The following JAK2 variants were observed in gnomAD, a reference collection of about 807,000 sequenced individuals.
The protein encoded by JAK2 is tyrosine-protein kinase JAK2.
JAK2 carries 86 observed loss-of-function variants against 139.3 expected under a neutral mutation model. That is an observed-to-expected ratio of 0.62 (90% CI 0.52 to 0.74). The LOEUF (loss-of-function observed/expected upper bound fraction) is 0.74, where lower values mean the gene tolerates loss of function less well. Ranked by LOEUF, JAK2 falls within the 30% of genes least tolerant of loss-of-function variation. JAK2 has a pLI of 0.00. For missense variants in JAK2, 1,421 were observed against 1,360.3 expected (o/e 1.04, Z -0.70); for synonymous variants, 490 against 437.7 (o/e 1.12, Z -1.49).
intron 2 of JAK2, among the ~76,000 whole-genome samples, chr9:5,006,822 C>T (rs1293729177): frequency 6.6e-6 from 1 of 152,110 alleles, no homozygotes; most frequent in Non-Finnish European, 1.5e-5. Flanking sequence ...AGAACCAAAC[C>T]ATATCAATTA....
intron 4 of JAK2, chr9:5,041,481 T>A: frequency 1.7e-6 from 1 of 597,588 alleles, no homozygotes; most frequent in African/African-American, 1.8e-5. Context: ...GACACGATCA[T>A]GAGCGGTACA....
intron 22 of JAK2, 141 bp downstream of exon 22, chr9:5,091,052 T>C: frequency 1.6e-6 from 1 of 618,626 alleles, no homozygotes. Context: ...TAACTTTTTT[T>C]TTTTAGGTCT....
chr9:5,021,463 C>G (rs1257896111), intron 2 of JAK2, among the ~76,000 whole-genome samples: 1 of 152,104 alleles, frequency 6.6e-6, no homozygotes, highest in Non-Finnish European at 1.5e-5. Context: ...AATCTTTGTC[C>G]ACAGGAAGTT....
chr9:5,083,711 T>G (rs4742066), intron 19 of JAK2, among the ~76,000 whole-genome samples: 1,983 of 152,256 alleles, frequency 0.013, 75 homozygotes, highest in East Asian at 0.11. Context: ...TAACAAAGAA[T>G]ACATCAAAAG....
chr9:5,036,678 G>C (rs936859685), intron 4 of JAK2, among the ~76,000 whole-genome samples: 1 of 152,152 alleles, frequency 6.6e-6, no homozygotes, highest in Admixed American at 6.5e-5. Context: ...GCTGAAACTG[G>C]ATCCCTTCCT....
At chr9:5,070,477 A>T (rs1220524753) in intron 12 of JAK2, among the ~76,000 whole-genome samples, 1 of 152,176 alleles carries the variant, frequency 6.6e-6, no homozygotes, top group African/African-American at 2.4e-5. Context: ...ATCTGAGGAT[A>T]CTTAAGTGGA....
chr9:5,087,733 A>C (rs771009409), intron 19 of JAK2, among the ~76,000 whole-genome samples: 3 of 152,228 alleles, frequency 2.0e-5, no homozygotes, highest in Non-Finnish European at 4.4e-5. Context: ...AACCACTGCC[A>C]GACAGCTTCT....
intron 5 of JAK2, among the ~76,000 whole-genome samples, chr9:5,045,629 G>T (rs1208043425): frequency 1.3e-5 from 2 of 151,934 alleles, no homozygotes; most frequent in Non-Finnish European, 2.9e-5. Flanking sequence ...ATATAAATCT[G>T]CCTTTTCTAT....
intron 22 of JAK2, chr9:5,096,564 A>T (rs1327268132): frequency 6.6e-6 from 1 of 152,226 alleles, no homozygotes; most frequent in Non-Finnish European, 1.5e-5. Flanking sequence ...TTTGCAATTC[A>T]ACATAAAAAA....
chr9:5,029,080 G>GT (rs1822972517), intron 3 of JAK2, among the ~76,000 whole-genome samples: 1 of 152,176 alleles, frequency 6.6e-6, no homozygotes, highest in Non-Finnish European at 1.5e-5. Flanking sequence ...TCCTCACTTA[G>GT]TTTAATTATT....
chr9:5,050,135 G>GAAGAT (rs1817311112), intron 5 of JAK2, among the ~76,000 whole-genome samples: 1 of 152,078 alleles, frequency 6.6e-6, no homozygotes, highest in East Asian at 1.9e-4. Flanking sequence ...TTTTTATGTA[G>GAAGAT]AAGATATAAT....
intron 2 of JAK2, among the ~76,000 whole-genome samples, chr9:5,008,112 G>A (rs1587818589): frequency 1.3e-5 from 2 of 152,192 alleles, no homozygotes; most frequent in South Asian, 4.1e-4. Flanking sequence ...ATTTTTATGC[G>A]ATATTCTTCA....
At chr9:5,083,921 A>AT (rs1819890916) in intron 19 of JAK2, among the ~76,000 whole-genome samples, 2 of 152,128 alleles carry the variant, frequency 1.3e-5, no homozygotes, top group Admixed American at 1.3e-4. Flanking sequence ...TATATATACA[A>AT]TTCTATATCT....
intron 22 of JAK2, among the ~76,000 whole-genome samples, chr9:5,105,669 A>G (rs2130770774): frequency 6.6e-6 from 1 of 152,296 alleles, no homozygotes; most frequent in East Asian, 1.9e-4. Flanking sequence ...AAACTATACT[A>G]CAAGGCTACC....
At chr9:5,046,924 A>G (rs1228941737) in intron 5 of JAK2, among the ~76,000 whole-genome samples, 1 of 152,134 alleles carries the variant, frequency 6.6e-6, no homozygotes, top group South Asian at 2.1e-4. Context: ...TTCCCAAACT[A>G]TTCATTCAGC....
chr9:5,047,798 G>A (rs530031111), intron 5 of JAK2, among the ~76,000 whole-genome samples: 17 of 151,972 alleles, frequency 1.1e-4, no homozygotes, highest in African/African-American at 3.1e-4. Context: ...ATGGGGTCTC[G>A]CTCTATTGTC....
intron 4 of JAK2, among the ~76,000 whole-genome samples, chr9:5,040,096 A>G (rs1816372048): frequency 6.6e-6 from 1 of 152,234 alleles, no homozygotes; most frequent in African/African-American, 2.4e-5. Flanking sequence ...ATGTGATACT[A>G]AAGGATGAAT....
chr9:5,028,642 G>A (rs1179622203), intron 3 of JAK2, among the ~76,000 whole-genome samples: 1 of 152,154 alleles, frequency 6.6e-6, no homozygotes, highest in Non-Finnish European at 1.5e-5. Context: ...TTGTTTATCA[G>A]TGATCTTTGT....
intron 4 of JAK2, among the ~76,000 whole-genome samples, chr9:5,033,351 C>T (rs942012590): frequency 2.6e-5 from 4 of 152,108 alleles, no homozygotes; most frequent in Non-Finnish European, 5.9e-5. Context: ...CCTAATCTAG[C>T]GAGGCAGGCA....
Sources: gnomAD v4.1 joint callset for allele counts (sites outside exome capture counted in the v4.1 genomes callset) on GRCh38, gnomAD v4.1.1 for gene constraint, MANE v1.5 for transcripts, NCBI Gene and HGNC (gene_info 2026-07-23, HGNC 2026-07-21) for gene names.